The following FMNL2 variants were observed in gnomAD, a reference collection of about 807,000 sequenced individuals.
FMNL2 encodes the protein formin like 2.
FMNL2 carries 51 observed loss-of-function variants against 130.2 expected under a neutral mutation model. The observed-to-expected ratio is 0.39, with a 90% CI of 0.31 to 0.49. The LOEUF is 0.49. Among genes scored for constraint, FMNL2 ranks in the 20% least tolerant of loss-of-function variants. The probability of loss-of-function intolerance (pLI) is 0.85; values close to 1 mark genes in which losing one functional copy is unlikely to be tolerated. For synonymous variants in FMNL2, 465 were observed against 467.1 expected, an observed-to-expected ratio of 1.00 and a Z score of 0.06; for missense variants, 977 against 1,316.2, an observed-to-expected ratio of 0.74 and a Z score of 3.99.
chr2:152,562,055 G>T (rs1347041862), intron 6 of FMNL2, among the ~76,000 whole-genome samples: 1 of 152,126 alleles, frequency 6.6e-6, no homozygotes, highest in East Asian at 1.9e-4. Context: ...ATATTTTTGT[G>T]CTTCTTATTT....
intron 1 of FMNL2, among the ~76,000 whole-genome samples, chr2:152,380,300 T>C (rs10931075): frequency 0.58 from 88,113 of 152,094 alleles, 26,070 homozygotes; most frequent in South Asian, 0.7. Flanking sequence ...TTAACCTTGG[T>C]GAGCCTTGGA....
At chr2:152,555,612 C>G (rs1198536102) in intron 4 of FMNL2, among the ~76,000 whole-genome samples, 1 of 152,220 alleles carries the variant, frequency 6.6e-6, no homozygotes, top group African/African-American at 2.4e-5. Context: ...GCACTTACAT[C>G]TCTTCCTTGC....
chr2:152,496,036 A>C (rs1167623133), intron 1 of FMNL2, among the ~76,000 whole-genome samples: 10 of 152,150 alleles, frequency 6.6e-5, no homozygotes. Flanking sequence ...AAGGAGTACT[A>C]GTTGCTATAT....
chr2:152,353,495 C>CATAT (rs1682618312), intron 1 of FMNL2, among the ~76,000 whole-genome samples: 4 of 152,182 alleles, frequency 2.6e-5, no homozygotes, highest in African/African-American at 9.6e-5. Context: ...TCCCTATACT[C>CATAT]ACTTTGTTAG....
intron 1 of FMNL2, chr2:152,390,530 G>A: frequency 6.5e-7 from 1 of 1,543,974 alleles, no homozygotes; most frequent in South Asian, 1.1e-5. Flanking sequence ...AGAGACAGAA[G>A]TCCATGGGGC....
At chr2:152,627,584 G>C (rs1474441815) in intron 17 of FMNL2, among the ~76,000 whole-genome samples, 1 of 152,178 alleles carries the variant, frequency 6.6e-6, no homozygotes, top group Admixed American at 6.5e-5. Flanking sequence ...ATTGAATCCT[G>C]AAGTGCAGCC....
intron 7 of FMNL2, among the ~76,000 whole-genome samples, chr2:152,577,595 G>A (rs1187209359): frequency 2.6e-5 from 4 of 152,146 alleles, no homozygotes; most frequent in Non-Finnish European, 4.4e-5. Flanking sequence ...TCAGAGAGAC[G>A]AAGAAAAGCT....
chr2:152,339,855 A>G (rs1188847811), intron 1 of FMNL2, among the ~76,000 whole-genome samples: 2 of 152,124 alleles, frequency 1.3e-5, no homozygotes, highest in African/African-American at 2.4e-5. Context: ...CACAGTAACT[A>G]ATGCTATCAG....
chr2:152,478,970 CAAAT>C (rs1162116605), intron 1 of FMNL2, among the ~76,000 whole-genome samples: 2 of 151,962 alleles, frequency 1.3e-5, no homozygotes, highest in Admixed American at 6.5e-5. Context: ...AGAAGAATAA[CAAAT>C]AAGTTCTGAA....
chr2:152,603,400 T>G (rs773016607), intron 9 of FMNL2, among the ~76,000 whole-genome samples: 8 of 41,518 alleles, frequency 1.9e-4, no homozygotes, highest in Non-Finnish European at 2.7e-4. Flanking sequence ...TTTAAGTCTG[T>G]TTTTTTTTTT....
At chr2:152,581,597 C>T (rs188448899) in intron 9 of FMNL2, among the ~76,000 whole-genome samples, 4 of 152,142 alleles carry the variant, frequency 2.6e-5, no homozygotes, top group East Asian at 1.9e-4. Flanking sequence ...TATGACGCCG[C>T]GGGCCCTGCC....
At chr2:152,556,022 C>T (rs1217022332) in intron 4 of FMNL2, among the ~76,000 whole-genome samples, 2 of 152,154 alleles carry the variant, frequency 1.3e-5, no homozygotes, top group African/African-American at 4.8e-5. Flanking sequence ...TTTATCTTTA[C>T]CTGTTTTCTT....
intron 1 of FMNL2, among the ~76,000 whole-genome samples, chr2:152,420,580 A>G (rs146337299): frequency 9.0e-4 from 137 of 152,310 alleles, no homozygotes; most frequent in African/African-American, 3.0e-3. Context: ...GGCATTGGGT[A>G]TCAATGGTGA....
chr2:152,606,875 A>G (rs995261674), intron 9 of FMNL2, among the ~76,000 whole-genome samples: 2 of 151,846 alleles, frequency 1.3e-5, no homozygotes, highest in African/African-American at 4.8e-5. Context: ...TAGTTTATGC[A>G]CTGAGATTTT....
chr2:152,507,814 C>G (rs1579839138), intron 1 of FMNL2, among the ~76,000 whole-genome samples: 1 of 151,940 alleles, frequency 6.6e-6, no homozygotes, highest in Admixed American at 6.6e-5. Flanking sequence ...AATAGAAACA[C>G]CGAGACTCAG....
At chr2:152,458,283 C>T (rs1171966435) in intron 1 of FMNL2, among the ~76,000 whole-genome samples, 1 of 152,184 alleles carries the variant, frequency 6.6e-6, no homozygotes, top group Non-Finnish European at 1.5e-5. Context: ...TATTCCCTGA[C>T]TCAGAAATAC....
In FMNL2 at chr2:152,619,079, C is replaced by T. The variant is rs1699097932; in HGVS notation, c.1548C>T (p.Pro516=). Reference sequence around the variant, plus strand: ...TGGTAGCAGGTAACTCTGTGGGACCCACAATGGGGGCCGCTTCCTCAGGAC... The same window carrying T: ...TGGTAGCAGGTAACTCTGTGGGACCTACAATGGGGGCCGCTTCCTCAGGAC... ...SEVVAGNSVG[P]TMGAASSGPL... Residue 516 remains proline (P), a synonymous_variant, in exon 14 of 26, where the codon CCC becomes CCT. Transcript: ENST00000288670. 2 of 1,612,900 alleles carry T rather than the reference C, an allele frequency of 1.2e-6. No homozygotes were observed. Among genetic ancestry groups the T allele is most frequent in the Admixed American group, 1.7e-5 (1 of 59,910 alleles).
intron 13 of FMNL2, 73 bp downstream of exon 13, chr2:152,617,265 C>A: frequency 7.5e-7 from 1 of 1,328,540 alleles, no homozygotes; most frequent in Non-Finnish European, 1.1e-6. Context: ...CAGTGGAACG[C>A]AGAGTACCTT....
intron 1 of FMNL2, among the ~76,000 whole-genome samples, chr2:152,408,843 G>A (rs1426855759): frequency 2.0e-5 from 3 of 152,114 alleles, no homozygotes; most frequent in Non-Finnish European, 4.4e-5. Context: ...CTGGAATTAT[G>A]GTTTCTACTG....
Sources: gnomAD v4.1 joint callset for allele counts (sites outside exome capture counted in the v4.1 genomes callset) on GRCh38, gnomAD v4.1.1 for gene constraint, MANE v1.5 for transcripts, NCBI Gene and HGNC (gene_info 2026-07-23, HGNC 2026-07-21) for gene names.